The following DLGAP2 variants were observed in gnomAD, a reference collection of about 807,000 sequenced individuals.
The protein encoded by DLGAP2 is disks large-associated protein 2.
In DLGAP2, 26 loss-of-function variants were observed where a neutral mutation model predicts 100.3. The observed-to-expected ratio is 0.26, with a 90% CI of 0.19 to 0.36. The LOEUF (loss-of-function observed/expected upper bound fraction) is 0.36, where lower values mean the gene tolerates loss of function less well. Among genes scored for constraint, DLGAP2 ranks in the 10% least tolerant of loss-of-function variants. DLGAP2 has a pLI of 1.00. For synonymous variants in DLGAP2, 886 were observed against 630.1 expected (o/e 1.41, Z -6.08); for missense variants, 1,858 against 1,453.2 (o/e 1.28, Z -4.53).
chr8:1,383,779 A>G (rs1176952501), intron 3 of DLGAP2, among the ~76,000 whole-genome samples: 1 of 152,228 alleles, frequency 6.6e-6, no homozygotes, highest in East Asian at 1.9e-4. Context: ...AGAAGCATGA[A>G]TTAAACTCCT....
Position 1,284,367 on chromosome 8 carries a change from C to G in DLGAP2, c.106+25484C>G, listed in dbSNP as rs1451656448. Reference sequence around the variant, plus strand: ...GCTGTGGAATTGCTTCAGAGGAACCCATTAAAATGATCCCATCAGTAATTG... The same window carrying G: ...GCTGTGGAATTGCTTCAGAGGAACCGATTAAAATGATCCCATCAGTAATTG... On this transcript the variant is annotated intron_variant, in intron 3 of 14. Coordinates refer to ENST00000637795, the MANE Select transcript of DLGAP2 (RefSeq NM_001346810.2). Among the ~76,000 whole-genome samples, 3 of 152,092 alleles carry G rather than the reference C, an allele frequency of 2.0e-5. No individual in the cohort carries two copies. The East Asian group carries it at 5.8e-4, about 29-fold the overall frequency.
At chr8:1,103,975 A>G (rs1804670197) in intron 2 of DLGAP2, among the ~76,000 whole-genome samples, 1 of 152,168 alleles carries the variant, frequency 6.6e-6, no homozygotes, top group Non-Finnish European at 1.5e-5. Flanking sequence ...CTAACAACAA[A>G]CCCTTTCTGG....
At chr8:916,258 C>A (rs1238110029) in intron 2 of DLGAP2, among the ~76,000 whole-genome samples, 1 of 152,200 alleles carries the variant, frequency 6.6e-6, no homozygotes, top group Non-Finnish European at 1.5e-5. Context: ...GATGACAAAA[C>A]CCAAGGTTGA....
chr8:1,391,864 G>A (rs1796364809), intron 3 of DLGAP2, among the ~76,000 whole-genome samples: 1 of 152,254 alleles, frequency 6.6e-6, no homozygotes, highest in Non-Finnish European at 1.5e-5. Context: ...ACCCGAGTAT[G>A]TGTCTTCCCC....
chr8:1,466,606 C>G (rs1465092194), intron 3 of DLGAP2, among the ~76,000 whole-genome samples: 1 of 152,096 alleles, frequency 6.6e-6, no homozygotes. Context: ...CCAGAACTCT[C>G]AGGTGCCGAG....
chr8:1,447,111 C>G (rs960382053), intron 3 of DLGAP2, among the ~76,000 whole-genome samples: 40 of 152,186 alleles, frequency 2.6e-4, no homozygotes, highest in Non-Finnish European at 5.0e-4. Context: ...TTGCCCTGGC[C>G]AGAACTTCCA....
At chr8:1,088,757 C>T (rs550287039) in intron 2 of DLGAP2, among the ~76,000 whole-genome samples, 7 of 138,058 alleles carry the variant, frequency 5.1e-5, no homozygotes, top group Non-Finnish European at 6.2e-5. Context: ...CTACTCTCTC[C>T]ACCCCTCATC....
At chr8:1,585,766 A>T (rs930176029) in intron 6 of DLGAP2, among the ~76,000 whole-genome samples, 1 of 152,168 alleles carries the variant, frequency 6.6e-6, no homozygotes, top group Non-Finnish European at 1.5e-5. Context: ...CTCGCAGTCC[A>T]TTCATTAAAT....
intron 4 of DLGAP2, among the ~76,000 whole-genome samples, chr8:1,531,037 C>G (rs544872423): frequency 3.0e-4 from 46 of 152,276 alleles, no homozygotes; most frequent in African/African-American, 1.0e-3. Context: ...AAAGTTCATT[C>G]CAATGTTTTC....
intron 14 of DLGAP2, 97 bp from the exon 15 acceptor site, chr8:1,701,091 C>T (rs1799553248): frequency 1.8e-6 from 2 of 1,139,766 alleles, no homozygotes. Flanking sequence ...GGGCTGCGGT[C>T]GGGAAGGGTC....
chr8:1,389,965 C>A (rs1247567088), intron 3 of DLGAP2, among the ~76,000 whole-genome samples: 1 of 152,100 alleles, frequency 6.6e-6, no homozygotes, highest in African/African-American at 2.4e-5. Context: ...CTCCCTCACA[C>A]GTGAACAGGA....
chr8:1,604,043 C>G (rs1003728494), intron 6 of DLGAP2, among the ~76,000 whole-genome samples: 1 of 152,108 alleles, frequency 6.6e-6, no homozygotes, highest in South Asian at 2.1e-4. Flanking sequence ...TTCTGATGCC[C>G]AAGACACAGC....
intron 3 of DLGAP2, among the ~76,000 whole-genome samples, chr8:1,456,964 A>G (rs1798334340): frequency 6.6e-6 from 1 of 152,226 alleles, no homozygotes; most frequent in African/African-American, 2.4e-5. Context: ...CACACTAATG[A>G]GCGCTGGCGC....
intron 2 of DLGAP2, among the ~76,000 whole-genome samples, chr8:1,167,184 A>G (rs891243735): frequency 2.0e-5 from 3 of 152,186 alleles, no homozygotes; most frequent in African/African-American, 7.2e-5. Context: ...CCTGACTTAC[A>G]TGACCGAAAA....
rs559445112 is a variant in DLGAP2, at chr8:834,158, C to A, written c.19-73754C>A. Reference sequence around the variant, plus strand: ...GTCTCAGGATGCGATCCTATTCAGTCATTTTGTGTCTCCACTCATGGAAGA... The same window carrying A: ...GTCTCAGGATGCGATCCTATTCAGTAATTTTGTGTCTCCACTCATGGAAGA... On this transcript the variant is annotated intron_variant, in intron 1 of 14. Coordinates refer to ENST00000637795, the MANE Select transcript of DLGAP2 (RefSeq NM_001346810.2). Among the ~76,000 whole-genome samples the A allele has an allele frequency of 5.3e-5, 8 of 152,306 alleles. No homozygotes were observed. The East Asian group carries it at 1.5e-3, about 29-fold the overall frequency.
intron 2 of DLGAP2, among the ~76,000 whole-genome samples, chr8:1,177,465 C>G (rs958257228): frequency 6.6e-6 from 1 of 152,070 alleles, no homozygotes; most frequent in Non-Finnish European, 1.5e-5. Context: ...AGCAGATGCA[C>G]GAGACCCGAT....
chr8:1,298,003 C>A (rs1443177137), intron 3 of DLGAP2, among the ~76,000 whole-genome samples: 1 of 37,298 alleles, frequency 2.7e-5, no homozygotes, highest in Non-Finnish European at 4.7e-5. Flanking sequence ...TCAACAGACA[C>A]CACGTGAGAC....
intron 1 of DLGAP2, among the ~76,000 whole-genome samples, chr8:752,413 G>T (rs1292084670): frequency 7.2e-5 from 11 of 152,204 alleles, no homozygotes; most frequent in Non-Finnish European, 1.5e-5. Flanking sequence ...GCCTGGTCTT[G>T]CCCGCCGGAG....
chr8:1,295,727 C>T (rs1273245480), intron 3 of DLGAP2, among the ~76,000 whole-genome samples: 2 of 152,196 alleles, frequency 1.3e-5, no homozygotes, highest in Admixed American at 1.3e-4. Context: ...TCTCTGTGGG[C>T]CCAAGGGCAG....
Sources: gnomAD v4.1 joint callset for allele counts (sites outside exome capture counted in the v4.1 genomes callset) on GRCh38, gnomAD v4.1.1 for gene constraint, MANE v1.5 for transcripts, NCBI Gene and HGNC (gene_info 2026-07-23, HGNC 2026-07-21) for gene names.